Variants in KHDRBS2 observed in about 807,000 individuals in gnomAD.
The protein encoded by KHDRBS2 is KH RNA binding domain containing, signal transduction associated 2.
A neutral mutation model predicts 44.3 loss-of-function variants in KHDRBS2; 26 were observed. The observed-to-expected ratio is 0.59, with a 90% CI of 0.43 to 0.81. KHDRBS2 has a LOEUF of 0.81. Ranked by LOEUF, KHDRBS2 falls within the 40% of genes least tolerant of loss-of-function variation. The pLI is 0.00. For missense variants in KHDRBS2, 476 were observed against 433.1 expected, an observed-to-expected ratio of 1.10 and a Z score of -0.88; for synonymous variants, 194 against 151.1, an observed-to-expected ratio of 1.28 and a Z score of -2.08.
the KHDRBS2 span, among the ~76,000 whole-genome samples, chr6:61,652,065 T>C: frequency 6.6e-6 from 1 of 152,132 alleles, no homozygotes; most frequent in Non-Finnish European, 1.5e-5. Context: ...GTTATAAACC[T>C]ATGAAATTTT....
At chr6:61,757,468 A>C (rs1338420220) in intron 6 of KHDRBS2, among the ~76,000 whole-genome samples, 1 of 152,104 alleles carries the variant, frequency 6.6e-6, no homozygotes, top group African/African-American at 2.4e-5. Context: ...TTATATCTTT[A>C]AGTTTAAAAT....
intron 1 of KHDRBS2, among the ~76,000 whole-genome samples, chr6:62,255,726 G>A (rs529978993): frequency 1.5e-4 from 23 of 151,144 alleles, no homozygotes; most frequent in African/African-American, 5.3e-4. Context: ...TTATATCCTG[G>A]TACTCCATCT....
intron 7 of KHDRBS2, among the ~76,000 whole-genome samples, chr6:61,706,820 A>C (rs982375354): frequency 6.6e-5 from 10 of 151,820 alleles, no homozygotes; most frequent in African/African-American, 2.4e-4. Flanking sequence ...ATTTATTTAT[A>C]ACCTATTATG....
At chr6:62,122,796 G>T (rs1807997072) in intron 2 of KHDRBS2, among the ~76,000 whole-genome samples, 2 of 149,204 alleles carry the variant, frequency 1.3e-5, no homozygotes, top group South Asian at 4.3e-4. Flanking sequence ...TTTTAAACAA[G>T]GCCAGTTTCA....
chr6:61,769,554 T>C (rs1004994276), intron 6 of KHDRBS2, among the ~76,000 whole-genome samples: 4 of 151,772 alleles, frequency 2.6e-5, no homozygotes, highest in Admixed American at 6.6e-5. Context: ...GCTTGGAGGG[T>C]CCTACTCCCA....
At chr6:62,213,058 G>C (rs1413334947) in intron 1 of KHDRBS2, among the ~76,000 whole-genome samples, 1 of 152,146 alleles carries the variant, frequency 6.6e-6, no homozygotes, top group African/African-American at 2.4e-5. Context: ...TCAGAAAAAA[G>C]AAATATTGCT....
chr6:61,669,327 C>G, the KHDRBS2 span, among the ~76,000 whole-genome samples: 1 of 150,636 alleles, frequency 6.6e-6, no homozygotes, highest in Non-Finnish European at 1.5e-5. Flanking sequence ...CATTTTTACC[C>G]CTGACTCTTT....
intron 2 of KHDRBS2, among the ~76,000 whole-genome samples, chr6:62,050,763 C>A (rs1788837233): frequency 6.6e-6 from 1 of 151,914 alleles, no homozygotes; most frequent in South Asian, 2.1e-4. Flanking sequence ...CTTACAGTTC[C>A]ACTATGATCC....
chr6:62,195,283 C>A (rs1424514304), intron 1 of KHDRBS2, among the ~76,000 whole-genome samples: 1 of 152,140 alleles, frequency 6.6e-6, no homozygotes, highest in South Asian at 2.1e-4. Context: ...TGCAACCTTG[C>A]TAAACTCACT....
chr6:61,883,028 C>G (rs1800418358), intron 6 of KHDRBS2, among the ~76,000 whole-genome samples: 1 of 151,860 alleles, frequency 6.6e-6, no homozygotes, highest in Non-Finnish European at 1.5e-5. Flanking sequence ...GTATAATTGT[C>G]AAAACTATAA....
At chr6:61,784,773 G>A (rs575760155) in intron 6 of KHDRBS2, among the ~76,000 whole-genome samples, 144 of 152,102 alleles carry the variant, frequency 9.5e-4, no homozygotes, top group African/African-American at 2.1e-3. Flanking sequence ...ACATGTATCC[G>A]TACAGTAATG....
At chr6:62,131,202 A>C (rs564724187) in intron 2 of KHDRBS2, among the ~76,000 whole-genome samples, 3 of 152,318 alleles carry the variant, frequency 2.0e-5, no homozygotes, top group African/African-American at 7.2e-5. Flanking sequence ...TTGATAGTAG[A>C]AAAACTGTAC....
chr6:61,982,528 G>A (rs1388066907), intron 3 of KHDRBS2, among the ~76,000 whole-genome samples: 11 of 151,944 alleles, frequency 7.2e-5, no homozygotes, highest in East Asian at 3.9e-4. Flanking sequence ...AAAATTAGCC[G>A]GGCGTGGTGG....
intron 6 of KHDRBS2, among the ~76,000 whole-genome samples, chr6:61,841,302 C>T (rs1261752192): frequency 1.3e-5 from 2 of 152,030 alleles, no homozygotes; most frequent in Non-Finnish European, 1.5e-5. Context: ...TTAAATTTAC[C>T]TCCTTTCCTA....
intron 2 of KHDRBS2, among the ~76,000 whole-genome samples, chr6:62,155,561 C>T (rs922467170): frequency 1.3e-5 from 2 of 152,164 alleles, no homozygotes; most frequent in African/African-American, 4.8e-5. Context: ...ATGCCTTCTG[C>T]CTTGCATGCT....
At position 62,170,521 on chromosome 6, in the gene KHDRBS2, C is replaced by T. The variant is rs78311390; in HGVS notation, c.219+6664G>A. 7.3e-3 allele frequency among the ~76,000 whole-genome samples: 1,104 copies of T among 152,212 alleles called. 8 individuals carry two copies. The highest frequency in any genetic ancestry group is 0.013 in the Non-Finnish European group (899 of 68,010). ...CCACGCAGGACAGTAAGAGCCTATC[C>T]GCTGGCTAACACTCTTAAGTGCCAC... On this transcript the variant is annotated intron_variant, in intron 2 of 8. Coordinates refer to ENST00000281156, the MANE Select transcript of KHDRBS2 (RefSeq NM_152688.4).
At chr6:62,195,768 T>C (rs1825557020) in intron 1 of KHDRBS2, among the ~76,000 whole-genome samples, 1 of 152,028 alleles carries the variant, frequency 6.6e-6, no homozygotes, top group African/African-American at 2.4e-5. Context: ...TGAATTCTCA[T>C]CCCCAAATAA....
intron 3 of KHDRBS2, among the ~76,000 whole-genome samples, chr6:62,010,217 G>A (rs576808418): frequency 2.6e-5 from 4 of 152,178 alleles, no homozygotes; most frequent in African/African-American, 7.2e-5. Context: ...AATCATTTTG[G>A]AGCTTAAAGA....
intron 6 of KHDRBS2, among the ~76,000 whole-genome samples, chr6:61,869,313 T>G (rs1202442922): frequency 6.6e-6 from 1 of 152,232 alleles, no homozygotes; most frequent in Non-Finnish European, 1.5e-5. Context: ...TTAATAGCAA[T>G]GTTAGAAGCA....
Sources: allele counts gnomAD v4.1 joint callset (sites outside exome capture counted in the v4.1 genomes callset), GRCh38; gene constraint gnomAD v4.1.1; transcripts MANE v1.5; gene names NCBI Gene and HGNC (gene_info 2026-07-23, HGNC 2026-07-21).